AAK1: variants seen among roughly 807,000 people sequenced by gnomAD.
The protein encoded by AAK1 is AP2-associated protein kinase 1.
Under a neutral mutation model 116.0 loss-of-function variants are expected in AAK1, and 37 were observed. That is an observed-to-expected ratio of 0.32 (90% confidence interval 0.25 to 0.42). AAK1 has a LOEUF of 0.42. Ranked by LOEUF, AAK1 falls within the 10% of genes least tolerant of loss-of-function variation. AAK1 has a pLI of 1.00. For synonymous variants in AAK1, 458 were observed against 439.9 expected (o/e 1.04, Z -0.51); for missense variants, 919 against 1,170.6 (o/e 0.79, Z 3.14).
Position 69,498,465 on chromosome 2 carries a change from C to T in AAK1, c.2270-2385G>A, listed in dbSNP as rs188882417. 4.9e-4 allele frequency among the ~76,000 whole-genome samples: 75 copies of T among 152,296 alleles called. 1 individual carries two copies. Among genetic ancestry groups the T allele is most frequent in the Admixed American group, 4.8e-3 (74 of 15,296 alleles). On this transcript the variant is annotated intron_variant, in intron 16 of 21. Coordinates refer to ENST00000409085, the MANE Select transcript of AAK1 (RefSeq NM_014911.5). ...GGGAGAGTTTCCACCCCACCCACCTCTATTCCACATTTCTCGTAGTCAGTG... is the reference window on the plus strand; with the variant it reads ...GGGAGAGTTTCCACCCCACCCACCTTTATTCCACATTTCTCGTAGTCAGTG...
rs1674404375 is a variant in AAK1, at chr2:69,463,819, TATTTA to T, written c.*12045_*12049del. 6.6e-6 allele frequency: 1 copy of T among 152,296 alleles called. No homozygotes were observed. The highest frequency in any genetic ancestry group is 6.5e-5 in the Admixed American group (1 of 15,286). The allele number at this position is 152,296 out of a possible 1,614,324, so 9.4% of individuals were successfully genotyped here. A position where few individuals can be genotyped will look rare whatever the true frequency, so the allele number is the denominator to read the frequency against. ...AGCCACCATGCCCAGCCTATTTTTTTATTTATTTTTTGAAGGGACAGGGTCTCGCT... is the reference window on the plus strand; with the variant it reads ...AGCCACCATGCCCAGCCTATTTTTTTTTTTTTGAAGGGACAGGGTCTCGCT... On this transcript the variant is annotated 3_prime_UTR_variant, in exon 22 of 22. Coordinates refer to ENST00000409085, the MANE Select transcript of AAK1 (RefSeq NM_014911.5).
chr2:69,610,828 C>T (rs967385450), intron 2 of AAK1, among the ~76,000 whole-genome samples: 1 of 152,112 alleles, frequency 6.6e-6, no homozygotes, highest in Non-Finnish European at 1.5e-5. Flanking sequence ...TCATTTCACA[C>T]CCACTAGGAT....
chr2:69,601,142 T>C (rs773082038), intron 2 of AAK1, among the ~76,000 whole-genome samples: 1 of 152,260 alleles, frequency 6.6e-6, no homozygotes, highest in African/African-American at 2.4e-5. Flanking sequence ...CTCCCTTTAC[T>C]GTGATATTTG....
chr2:69,520,999 A>C lies in AAK1; in HGVS notation c.1056-11T>G, dbSNP rs200056288. On this transcript the variant is annotated splice_polypyrimidine_tract_variant and intron_variant, in intron 10 of 21. Coordinates refer to ENST00000409085, the MANE Select transcript of AAK1 (RefSeq NM_014911.5). Reference sequence around the variant, plus strand: ...ATGGGATCTGTCAGTCTAGAAAGGGAAAAGAGAAAGGTTCATATTAAAGTA... The same window carrying C: ...ATGGGATCTGTCAGTCTAGAAAGGGCAAAGAGAAAGGTTCATATTAAAGTA... 6.2e-7 allele frequency: 1 copy of C among 1,613,728 alleles called. No homozygotes were observed. The highest frequency in any genetic ancestry group is 1.3e-5 in the African/African-American group (1 of 75,006).
chr2:69,555,330 T>C (rs1671348613), intron 3 of AAK1, among the ~76,000 whole-genome samples: 1 of 152,224 alleles, frequency 6.6e-6, no homozygotes, highest in Non-Finnish European at 1.5e-5. Context: ...TGTGCAGTGC[T>C]GACAGTTCCT....
chr2:69,626,030 T>G (rs1237099717), intron 2 of AAK1, among the ~76,000 whole-genome samples: 1 of 152,170 alleles, frequency 6.6e-6, no homozygotes, highest in East Asian at 1.9e-4. Context: ...CCTTCTCTCC[T>G]TCCTTCCAGG....
At chr2:69,625,020 T>G (rs1674831321) in intron 2 of AAK1, among the ~76,000 whole-genome samples, 1 of 152,228 alleles carries the variant, frequency 6.6e-6, no homozygotes, top group Non-Finnish European at 1.5e-5. Flanking sequence ...TAAACACATT[T>G]CATTAACAGT....
At chr2:69,571,117 T>A (rs563848531) in intron 2 of AAK1, among the ~76,000 whole-genome samples, 1 of 152,336 alleles carries the variant, frequency 6.6e-6, no homozygotes, top group African/African-American at 2.4e-5. Flanking sequence ...TTTATTTTTA[T>A]TCATTGTACG....
rs1290644319 is a variant in AAK1, at chr2:69,482,767, A to C, written c.2411T>G (p.Leu804Arg). The C allele has an allele frequency of 1.9e-6, 3 of 1,613,928 alleles. No homozygotes were observed. The highest frequency in any genetic ancestry group is 2.5e-6 in the Non-Finnish European group (3 of 1,179,796). ...ATCTGTCATAGGCAAGAGGTCAGGG[A>C]GCAGAAGAGAAGTGTCAGGAGATTT... Reference protein sequence around the residue: ...GLKSPDTSLLLPDLLPMTDPF... With the variant: ...GLKSPDTSLLRPDLLPMTDPF... Residue 804 changes from leucine to arginine, a missense_variant, in exon 18 of 22, where the codon CTC becomes CGC. Transcript: ENST00000409085.
chr2:69,635,998 T>C (rs1334314743), intron 2 of AAK1, among the ~76,000 whole-genome samples: 2 of 152,200 alleles, frequency 1.3e-5, no homozygotes, highest in Non-Finnish European at 2.9e-5. Flanking sequence ...TGTTAATATA[T>C]AACATATGGC....
chr2:69,532,482 T>C lies in AAK1; in HGVS notation c.535-320A>G, dbSNP rs1261878414. 2.0e-5 allele frequency among the ~76,000 whole-genome samples: 3 copies of C among 152,328 alleles called. No individual in the cohort carries two copies. In the East Asian group the frequency reaches 5.8e-4, roughly 29 times the overall value. ...TCCTCATACTTTCAAGCCTCTGACCTGTGCCTTTGCTCTTGCTCTTCTTTT... is the reference window on the plus strand; with the variant it reads ...TCCTCATACTTTCAAGCCTCTGACCCGTGCCTTTGCTCTTGCTCTTCTTTT... On this transcript the variant is annotated intron_variant, in intron 5 of 21. Coordinates refer to ENST00000409085, the MANE Select transcript of AAK1 (RefSeq NM_014911.5).
chr2:69,629,245 G>A (rs1019789066), intron 2 of AAK1, among the ~76,000 whole-genome samples: 1 of 152,148 alleles, frequency 6.6e-6, no homozygotes, highest in African/African-American at 2.4e-5. Flanking sequence ...AAAAATCACT[G>A]TCCTAATTTA....
chr2:69,604,518 C>CA (rs1194228761), intron 2 of AAK1, among the ~76,000 whole-genome samples: 3 of 152,172 alleles, frequency 2.0e-5, no homozygotes, highest in African/African-American at 7.2e-5. Context: ...CTTGCCCCAC[C>CA]ATAGTATCAG....
intron 21 of AAK1, among the ~76,000 whole-genome samples, chr2:69,476,263 G>C (rs939039833): frequency 6.6e-6 from 1 of 152,114 alleles, no homozygotes; most frequent in Non-Finnish European, 1.5e-5. Context: ...TTTTTTGGTT[G>C]AGAATTGCTG....
Position 69,556,897 on chromosome 2 carries a change from T to C in AAK1, c.245A>G (p.His82Arg). Reference protein sequence around the residue: ...ALKRMFVNNEHDLQVCKREIQ... With the variant: ...ALKRMFVNNERDLQVCKREIQ... ...TTCTCTCTTGCACACCTGGAGATCA[T>C]GCTCATTGTTGACAAACATGCGTTT... is the stretch of plus-strand genomic sequence containing the variant. The change falls in exon 3 of 22, where the codon CAT becomes CGT. Residue 82 changes from histidine (H) to arginine (R), a missense_variant. His to Arg is a conservative substitution (Grantham distance 29, BLOSUM62 0). Around this residue, in one of 4 missense-constraint regions of AAK1, gnomAD observed 317 missense variants for 490.4 expected, o/e 0.65. Coordinates refer to ENST00000409085, the MANE Select transcript of AAK1 (RefSeq NM_014911.5). 1 of 1,613,980 alleles carries C rather than the reference T, an allele frequency of 6.2e-7. No homozygotes were observed.
intron 3 of AAK1, among the ~76,000 whole-genome samples, chr2:69,550,611 T>C (rs1256836621): frequency 6.6e-6 from 1 of 151,252 alleles, no homozygotes; most frequent in African/African-American, 2.4e-5. Flanking sequence ...TTTTTTCTAT[T>C]TTAAAATTTT....
Position 69,465,966 on chromosome 2 carries a change from A to C in AAK1, c.*9903T>G. 7.7e-7 allele frequency: 1 copy of C among 1,290,896 alleles called. No individual in the cohort carries two copies. The highest frequency in any genetic ancestry group is 1.0e-6 in the Non-Finnish European group (1 of 988,862). 80.0% of individuals were successfully genotyped at this position (1,290,896 alleles called of 1,614,324 possible). ...GCATTGGATAACTGTTAACTCCTCCATGCTTTTCTTCTTAGTGAAAGGAGC... is the reference window on the plus strand; with the variant it reads ...GCATTGGATAACTGTTAACTCCTCCCTGCTTTTCTTCTTAGTGAAAGGAGC... On this transcript the variant is annotated 3_prime_UTR_variant, in exon 22 of 22. Coordinates refer to ENST00000409085, the MANE Select transcript of AAK1 (RefSeq NM_014911.5).
chr2:69,640,014 A>AACACACACAC lies in AAK1; in HGVS notation c.163+2854_163+2863dup, dbSNP rs376034914. Among the ~76,000 whole-genome samples the AACACACACAC allele has an allele frequency of 1.6e-3, 164 of 103,766 alleles. 3 individuals are homozygous for AACACACACAC. Among genetic ancestry groups the AACACACACAC allele is most frequent in the East Asian group, 0.015 (50 of 3,438 alleles). 68.1% of individuals were successfully genotyped at this position (103,766 alleles called of 152,430 possible). A position where few individuals can be genotyped will look rare whatever the true frequency, so the allele number is the denominator to read the frequency against. ...TTTCACATTGCTCCCACTCCCCTTTAACACACACACACACACACACACACA... is the reference window on the plus strand; with the variant it reads ...TTTCACATTGCTCCCACTCCCCTTTAACACACACACACACACACACACACACACACACACA... On this transcript the variant is annotated intron_variant, in intron 2 of 21. Transcript: ENST00000409085.
At position 69,462,946 on chromosome 2, in the gene AAK1, G is replaced by C. The variant is rs1674379096; in HGVS notation, c.*12923C>G. The C allele has an allele frequency of 6.6e-6, 1 of 152,220 alleles. No individual in the cohort carries two copies. The highest frequency in any genetic ancestry group is 1.5e-5 in the Non-Finnish European group (1 of 68,050). 9.4% of individuals were successfully genotyped at this position (152,220 alleles called of 1,614,324 possible). A position where few individuals can be genotyped will look rare whatever the true frequency, so the allele number is the denominator to read the frequency against. ...ACCAAAGTGAAGGACATAGGTTTCT[G>C]GCACAGTTGAAACCTTAGTTGGAAA... On this transcript the variant is annotated 3_prime_UTR_variant, in exon 22 of 22. Transcript: ENST00000409085.
Sources: allele counts gnomAD v4.1 joint callset (sites outside exome capture counted in the v4.1 genomes callset), GRCh38; gene constraint gnomAD v4.1.1; regional missense constraint gnomAD v4.1.1; transcripts MANE v1.5; gene names NCBI Gene and HGNC (gene_info 2026-07-23, HGNC 2026-07-21).